Variants in DRD2 observed in about 807,000 individuals in gnomAD.
DRD2 encodes D(2) dopamine receptor.
A neutral mutation model predicts 38.0 loss-of-function variants in DRD2; 8 were observed. The observed-to-expected ratio is 0.21, with a 90% CI of 0.12 to 0.38. DRD2 has a LOEUF of 0.38. Among genes scored for constraint, DRD2 ranks in the 10% least tolerant of loss-of-function variants. The pLI is 1.00. For missense variants in DRD2, 403 were observed against 607.7 expected (o/e 0.66, Z 3.54); for synonymous variants, 230 against 238.6 (o/e 0.96, Z 0.33).
chr11:113,462,832 G>A (rs889261360), intron 1 of DRD2, among the ~76,000 whole-genome samples: 2 of 152,216 alleles, frequency 1.3e-5, no homozygotes, highest in Admixed American at 6.5e-5. Flanking sequence ...CTTCATCTAT[G>A]CAACAAGTAT....
intron 5 of DRD2, 57 bp downstream of exon 5, chr11:113,415,364 C>T (rs1950815075): frequency 3.2e-6 from 5 of 1,551,102 alleles, no homozygotes; most frequent in Non-Finnish European, 4.4e-6. Context: ...TAAGATGAGC[C>T]CTCTTGGTAA....
At chr11:113,442,321 G>A (rs1951102800) in intron 1 of DRD2, among the ~76,000 whole-genome samples, 1 of 152,204 alleles carries the variant, frequency 6.6e-6, no homozygotes. Flanking sequence ...GTCCCAGAAT[G>A]TATCTAAGTT....
At chr11:113,452,450 G>A (rs1037129629) in intron 1 of DRD2, among the ~76,000 whole-genome samples, 1 of 94,704 alleles carries the variant, frequency 1.1e-5, no homozygotes, top group African/African-American at 3.3e-5. Flanking sequence ...GTGTGTGTGT[G>A]TGTGTGTGTG....
At chr11:113,453,619 A>C (rs955735413) in intron 1 of DRD2, among the ~76,000 whole-genome samples, 19 of 152,272 alleles carry the variant, frequency 1.2e-4, no homozygotes, top group African/African-American at 4.6e-4. Flanking sequence ...TGTAGATAAC[A>C]AAATAAGCAA....
At chr11:113,428,551 A>G (rs75349786) in intron 1 of DRD2, among the ~76,000 whole-genome samples, 8,832 of 152,296 alleles carry the variant, frequency 0.058, 344 homozygotes, top group South Asian at 0.12. Context: ...GTTGATGTTC[A>G]GGAGCATATG....
chr11:113,418,786 G>A (rs754514329), intron 2 of DRD2, among the ~76,000 whole-genome samples: 54 of 152,156 alleles, frequency 3.5e-4, no homozygotes, highest in Non-Finnish European at 7.3e-4. Context: ...GCCAACCCTA[G>A]GTTGCTTAAT....
intron 5 of DRD2, 52 bp from the exon 6 acceptor site, chr11:113,414,513 G>A: frequency 1.9e-6 from 3 of 1,599,818 alleles, no homozygotes; most frequent in East Asian, 2.2e-5. Flanking sequence ...GATGGAGGGG[G>A]GACAGAAACC....
chr11:113,458,473 C>T (rs894925918), intron 1 of DRD2, among the ~76,000 whole-genome samples: 1 of 152,226 alleles, frequency 6.6e-6, no homozygotes, highest in African/African-American at 2.4e-5. Flanking sequence ...GGAGAGGCCA[C>T]AGGATCACCC....
chr11:113,442,758 G>T (rs565277904), intron 1 of DRD2, among the ~76,000 whole-genome samples: 1 of 152,300 alleles, frequency 6.6e-6, no homozygotes, highest in East Asian at 1.9e-4. Context: ...CAGCAACTGA[G>T]GTGCGTGTCA....
chr11:113,448,481 G>A (rs952126944), intron 1 of DRD2, among the ~76,000 whole-genome samples: 1 of 152,186 alleles, frequency 6.6e-6, no homozygotes, highest in Non-Finnish European at 1.5e-5. Flanking sequence ...AGGAGTCACT[G>A]CTACAATATT....
intron 1 of DRD2, among the ~76,000 whole-genome samples, chr11:113,431,140 A>G (rs1172030446): frequency 6.6e-6 from 1 of 152,194 alleles, no homozygotes; most frequent in African/African-American, 2.4e-5. Flanking sequence ...CCCAGTCAAC[A>G]AGAACTTAGT....
chr11:113,447,205 C>T (rs780203375), intron 1 of DRD2, among the ~76,000 whole-genome samples: 3 of 152,212 alleles, frequency 2.0e-5, no homozygotes, highest in Non-Finnish European at 2.9e-5. Flanking sequence ...CTGGGCTGCA[C>T]GGCCACACTC....
intron 1 of DRD2, chr11:113,474,306 G>A (rs897248543): frequency 2.0e-5 from 3 of 152,340 alleles, no homozygotes; most frequent in South Asian, 2.1e-4. Context: ...CTGGTGCTTA[G>A]AGGTGTCTCT....
At chr11:113,444,121 C>T (rs1189223693) in intron 1 of DRD2, among the ~76,000 whole-genome samples, 4 of 152,154 alleles carry the variant, frequency 2.6e-5, no homozygotes, top group Admixed American at 6.6e-5. Context: ...CTGCAACCTC[C>T]GCCTCCCGGG....
At chr11:113,435,746 C>T (rs747661044) in intron 1 of DRD2, among the ~76,000 whole-genome samples, 2 of 151,348 alleles carry the variant, frequency 1.3e-5, no homozygotes, top group Non-Finnish European at 2.9e-5. Flanking sequence ...CAAGGACATA[C>T]TTAGCTACCA....
chr11:113,447,824 A>C (rs1289655790), intron 1 of DRD2: 2 of 152,192 alleles, frequency 1.3e-5, no homozygotes, highest in Non-Finnish European at 2.9e-5. Context: ...ATGTGTGGCC[A>C]CATCAGAGGA....
chr11:113,410,350 A>T lies in DRD2; in HGVS notation c.*377T>A. 1 of 434,112 alleles carries T rather than the reference A, an allele frequency of 2.3e-6. No individual in the cohort carries two copies. The highest frequency in any genetic ancestry group is 4.3e-6 in the Non-Finnish European group (1 of 233,336). The allele number at this position is 434,112 out of a possible 1,614,324, so 26.9% of individuals were successfully genotyped here. On this transcript the variant is annotated 3_prime_UTR_variant, in exon 8 of 8. Coordinates refer to ENST00000362072, the MANE Select transcript of DRD2 (RefSeq NM_000795.4). The stretch of plus-strand genomic sequence containing the variant: ...GCCTGCTCCACGCCAAGCCCCACAA[A>T]GAGAAAACTCAGCCTCTGGGCCCTG...
chr11:113,464,280 C>A (rs1286639919), intron 1 of DRD2, among the ~76,000 whole-genome samples: 1 of 152,184 alleles, frequency 6.6e-6, no homozygotes, highest in African/African-American at 2.4e-5. Context: ...CCAGCCTCAA[C>A]TGAGGGCACC....
rs1170217511 is a variant in DRD2, at chr11:113,411,040, T to C, written c.1139-120A>G. 8 of 1,102,890 alleles carry C rather than the reference T, an allele frequency of 7.3e-6. No individual in the cohort carries two copies. The South Asian group carries it at 1.1e-4, about 15-fold the overall frequency. 68.3% of individuals were successfully genotyped at this position (1,102,890 alleles called of 1,614,324 possible). On this transcript the variant is annotated intron_variant, in intron 7 of 7. Transcript: ENST00000362072. ...CGGTGGGCTGTAGCCACAGAAGCACTGTAGGAGGAGTCCAGGTCTTGGATC... is the reference window on the plus strand; with the variant it reads ...CGGTGGGCTGTAGCCACAGAAGCACCGTAGGAGGAGTCCAGGTCTTGGATC...
Sources: gnomAD v4.1 joint callset for allele counts (sites outside exome capture counted in the v4.1 genomes callset) on GRCh38, gnomAD v4.1.1 for gene constraint, MANE v1.5 for transcripts, NCBI Gene and HGNC (gene_info 2026-07-23, HGNC 2026-07-21) for gene names.